Variants in DNAH3 observed in about 807,000 individuals in gnomAD.
DNAH3 encodes dynein axonemal heavy chain 3.
DNAH3 carries 332 observed loss-of-function variants against 432.5 expected under a neutral mutation model. That is an observed-to-expected ratio of 0.77 (90% CI 0.70 to 0.84). The LOEUF is 0.84. DNAH3 is among the 40% of genes least tolerant of loss of function. The probability of loss-of-function intolerance (pLI) is 0.00; values close to 1 mark genes in which losing one functional copy is unlikely to be tolerated. For synonymous variants in DNAH3, 1,956 were observed against 1,900.2 expected, an observed-to-expected ratio of 1.03 and a Z score of -0.76; for missense variants, 4,861 against 5,114.0, an observed-to-expected ratio of 0.95 and a Z score of 1.51.
At chr16:20,994,979 G>A (rs2086703513) in intron 44 of DNAH3, among the ~76,000 whole-genome samples, 1 of 152,038 alleles carries the variant, frequency 6.6e-6, no homozygotes, top group Non-Finnish European at 1.5e-5. Flanking sequence ...GTCTCACCCA[G>A]GTTGGAGTAT....
exon 17 of DNAH3, chr16:21,098,682 C>T (rs1299965476): frequency 1.2e-6 from 2 of 1,613,956 alleles, no homozygotes; most frequent in Middle Eastern, 1.7e-4. Flanking sequence ...CATTGTGCTT[C>T]ATTTCTTCTG....
intron 1 of DNAH3, among the ~76,000 whole-genome samples, chr16:21,147,409 T>G (rs1294663701): frequency 6.6e-6 from 1 of 151,872 alleles, no homozygotes; most frequent in Non-Finnish European, 1.5e-5. Flanking sequence ...AGAGACGGGG[T>G]TTCACCACAT....
At chr16:20,963,116 A>T (rs1596971090) in intron 53 of DNAH3, among the ~76,000 whole-genome samples, 168 bp downstream of exon 53, 2 of 152,072 alleles carry the variant, frequency 1.3e-5, no homozygotes, top group Non-Finnish European at 2.9e-5. Flanking sequence ...GTAGCAGCTG[A>T]CCTCTATAGG....
chr16:21,060,237 G>T, intron 26 of DNAH3, 27 bp downstream of exon 26: 1 of 1,568,852 alleles, frequency 6.4e-7, no homozygotes, highest in Non-Finnish European at 8.8e-7. Context: ...CTAGTGTCCT[G>T]GCATGTGTAC....
rs371526344 is a variant in DNAH3 at position 21,154,050 on chromosome 16, A to G, written c.117+5275T>C. Among the ~76,000 whole-genome samples, 8 of 152,312 alleles carry G rather than the reference A, an allele frequency of 5.3e-5. No individual in the cohort carries two copies. The East Asian group carries it at 5.8e-4, about 11-fold the overall frequency. On this transcript the variant is annotated intron_variant, in intron 1 of 61. Transcript: ENST00000261383. ...AAATGGGAAGATTATCAGGTCTCCT[A>G]TACTGGGTGTGAAACCTCATGTCCC...
intron 18 of DNAH3, among the ~76,000 whole-genome samples, chr16:21,089,597 CA>C (rs1216012971): frequency 6.6e-6 from 1 of 152,048 alleles, no homozygotes; most frequent in Non-Finnish European, 1.5e-5. Context: ...AATTAAACAA[CA>C]CACTTATAAA....
At chr16:21,017,319 TC>T (rs1419744792) in intron 41 of DNAH3, among the ~76,000 whole-genome samples, 2 of 152,102 alleles carry the variant, frequency 1.3e-5, no homozygotes, top group African/African-American at 4.8e-5. Flanking sequence ...CCCAAAATCA[TC>T]AAGCTAAAAG....
chr16:21,054,510 G>T, exon 28 of DNAH3: 1 of 1,614,058 alleles, frequency 6.2e-7, no homozygotes. Context: ...TGCGCAATCT[G>T]ATCATTGCTC....
In DNAH3 at chr16:20,952,553, C is replaced by T. The variant is rs749323164; in HGVS notation, c.11072-4G>A. 8.9e-6 allele frequency: 14 copies of T among 1,570,066 alleles called. No individual in the cohort carries two copies. The highest frequency in any genetic ancestry group is 4.5e-5 in the East Asian group (2 of 44,582). On this transcript the variant is annotated splice_polypyrimidine_tract_variant and splice_region_variant and intron_variant, in intron 55 of 61. Coordinates refer to ENST00000261383, the Ensembl canonical transcript of DNAH3. ...AATTCATAGGGAATATTCCACCCTG[C>T]GTGTGGGAGAGCAGAGAGAGGCTTC...
chr16:20,998,769 G>GGA (rs1555524504), intron 43 of DNAH3, among the ~76,000 whole-genome samples: 33 of 146,830 alleles, frequency 2.2e-4, no homozygotes, highest in African/African-American at 8.0e-4. Context: ...AAAAAGGGGG[G>GGA]GGCTCCTTTA....
At chr16:20,986,741 A>G (rs941813536) in intron 47 of DNAH3, among the ~76,000 whole-genome samples, 16 of 152,158 alleles carry the variant, frequency 1.1e-4, no homozygotes, top group African/African-American at 2.4e-5. Flanking sequence ...TCCTCGTCCT[A>G]TGTTAGAACC....
chr16:21,121,118 G>A (rs1007845491), intron 10 of DNAH3: 6 of 573,106 alleles, frequency 1.0e-5, no homozygotes, highest in African/African-American at 7.4e-5. Context: ...GAGTGAGAAG[G>A]TGGAAGGGTG....
At chr16:21,104,736 T>G in intron 15 of DNAH3, 142 bp from the exon 16 acceptor site, 2 of 587,492 alleles carry the variant, frequency 3.4e-6, no homozygotes. Flanking sequence ...ACAGTGACAT[T>G]TGTTGAGCAC....
At chr16:20,975,559 T>C in intron 50 of DNAH3, 144 bp from the exon 51 acceptor site, 1 of 782,952 alleles carries the variant, frequency 1.3e-6, no homozygotes, top group Non-Finnish European at 2.0e-6. Flanking sequence ...CAGATTCGTT[T>C]CCTAGTGATT....
At chr16:21,144,244 C>T (rs2092754735) in intron 3 of DNAH3, among the ~76,000 whole-genome samples, 1 of 152,090 alleles carries the variant, frequency 6.6e-6, no homozygotes. Context: ...TGACTCCTAA[C>T]AAATAGAATG....
intron 20 of DNAH3, among the ~76,000 whole-genome samples, chr16:21,076,484 T>G (rs568970119): frequency 1.3e-5 from 2 of 152,296 alleles, no homozygotes; most frequent in South Asian, 4.1e-4. Context: ...AGGTCATTAT[T>G]CCGGACTGAG....
At chr16:21,055,096 GA>G (rs746162525) in intron 27 of DNAH3, among the ~76,000 whole-genome samples, 1,453 of 134,604 alleles carry the variant, frequency 0.011, 12 homozygotes, top group African/African-American at 0.032. Context: ...TCCTGGACCA[GA>G]AAAAAAAAAA....
intron 39 of DNAH3, 61 bp downstream of exon 39, chr16:21,024,535 A>T: frequency 1.6e-6 from 2 of 1,235,378 alleles, no homozygotes; most frequent in Non-Finnish European, 2.3e-6. Context: ...TACCTAGAAG[A>T]CCCTCGAGAT....
intron 42 of DNAH3, among the ~76,000 whole-genome samples, chr16:21,001,225 C>T (rs1422535562): frequency 1.3e-5 from 2 of 152,208 alleles, no homozygotes; most frequent in Non-Finnish European, 2.9e-5. Flanking sequence ...GGGTCTCGGG[C>T]TCCTGGAATC....
Sources: allele counts gnomAD v4.1 joint callset (sites outside exome capture counted in the v4.1 genomes callset), GRCh38; gene constraint gnomAD v4.1.1; transcripts MANE v1.5; gene names NCBI Gene and HGNC (gene_info 2026-07-23, HGNC 2026-07-21).